The following MTA1 variants were observed in gnomAD, a reference collection of about 807,000 sequenced individuals.
The protein encoded by MTA1 is metastasis associated 1.
Under a neutral mutation model 97.0 loss-of-function variants are expected in MTA1, and 15 were observed. The observed-to-expected ratio is 0.15, with a 90% CI of 0.10 to 0.24. The LOEUF is 0.24. Among genes scored for constraint, MTA1 ranks in the 10% least tolerant of loss-of-function variants. The pLI is 1.00. For synonymous variants in MTA1, 435 were observed against 417.5 expected (o/e 1.04, Z -0.51); for missense variants, 709 against 1,015.1 (o/e 0.70, Z 4.10).
At chr14:105,438,600 T>C in intron 1 of MTA1, 72 bp from the exon 2 acceptor site, 3 of 1,398,480 alleles carry the variant, frequency 2.1e-6, no homozygotes, top group Non-Finnish European at 2.0e-6. Context: ...CCCGAGTCCC[T>C]GGGCCACGGG....
intron 1 of MTA1, among the ~76,000 whole-genome samples, chr14:105,425,622 C>G (rs1478153707): frequency 6.6e-6 from 1 of 152,130 alleles, no homozygotes; most frequent in Non-Finnish European, 1.5e-5. Flanking sequence ...CGTGTGCTAC[C>G]TGGGCTCACT....
At chr14:105,456,355 C>A (rs983455083) in intron 7 of MTA1, among the ~76,000 whole-genome samples, 1 of 152,232 alleles carries the variant, frequency 6.6e-6, no homozygotes, top group Admixed American at 6.5e-5. Flanking sequence ...TTGAGGTGCC[C>A]CCATCTTACC....
In MTA1 at chr14:105,449,376, A is replaced by G; in HGVS notation, c.208A>G (p.Lys70Glu). The change falls in exon 4 of 21, where the codon AAG becomes GAG. Residue 70 changes from lysine (K) to glutamate (E), a missense_variant. By Grantham distance (56) the Lys-to-Glu change is moderately conservative. Transcript: ENST00000331320. ...DKHATLSVCY[K>E]AGPGADNGEE... Reference sequence around the variant, plus strand: ...TTATATAGCCCTGTCAGTCTGCTATAAGGCCGGACCGGGGGCGGACAACGG... The same window carrying G: ...TTATATAGCCCTGTCAGTCTGCTATGAGGCCGGACCGGGGGCGGACAACGG... 6.2e-7 allele frequency: 1 copy of G among 1,612,520 alleles called. No individual in the cohort carries two copies. Among genetic ancestry groups the G allele is most frequent in the South Asian group, 1.1e-5 (1 of 90,950 alleles).
chr14:105,443,882 A>G (rs1242483194), intron 2 of MTA1, among the ~76,000 whole-genome samples: 2 of 152,136 alleles, frequency 1.3e-5, no homozygotes, highest in African/African-American at 4.8e-5. Context: ...CGAGGTCAGG[A>G]GATAGAGACC....
At chr14:105,438,764 G>GC (rs2082405414) in intron 2 of MTA1, 25 bp downstream of exon 2, 1 of 1,608,082 alleles carries the variant, frequency 6.2e-7, no homozygotes, top group African/African-American at 1.3e-5. Flanking sequence ...TGGTGTTGCT[G>GC]CAGGGGGGTA....
chr14:105,469,469 C>G lies in MTA1; in HGVS notation c.1816C>G (p.Leu606Val), dbSNP rs1555433771. Residue 606 changes from leucine (L) to valine (V), a missense_variant and splice_region_variant, in exon 19 of 21, where the codon CTG (leucine) becomes GTG (valine). Leu to Val is a conservative substitution (Grantham distance 32). Transcript: ENST00000331320. ...KKRLLMPSRG[L>V]ANHGQARHMG... ...TTCTCTCCTCCATTTCTCATCAGGTCTGGCAAACCACGGACAGGCCAGGCA... is the reference window on the plus strand; with the variant it reads ...TTCTCTCCTCCATTTCTCATCAGGTGTGGCAAACCACGGACAGGCCAGGCA... 2 of 1,612,862 alleles carry G rather than the reference C, an allele frequency of 1.2e-6. No individual in the cohort carries two copies. The highest frequency in any genetic ancestry group is 1.1e-5 in the South Asian group (1 of 91,094).
At chr14:105,447,022 G>C (rs1555427353) in intron 3 of MTA1, among the ~76,000 whole-genome samples, 1 of 152,242 alleles carries the variant, frequency 6.6e-6, no homozygotes, top group Non-Finnish European at 1.5e-5. Flanking sequence ...TGGGGATGTT[G>C]AAGGTCCACA....
In MTA1 at chr14:105,424,067, A is replaced by G. The variant is rs1031770624; in HGVS notation, c.28+4004A>G. ...GGTGTGATGTCCTGGAGGGGATGGC[A>G]TGGGGCTGTCCCACTTGGCCTGTGA... On this transcript the variant is annotated intron_variant, in intron 1 of 20. Transcript: ENST00000331320. The surrounding 1 kb of genome is among the most constrained non-coding windows in gnomAD (Gnocchi z 4.0). Among the ~76,000 whole-genome samples, 7 of 152,226 alleles carry G rather than the reference A, an allele frequency of 4.6e-5. No individual in the cohort carries two copies. Among genetic ancestry groups the G allele is most frequent in the Non-Finnish European group, 8.8e-5 (6 of 68,042 alleles).
chr14:105,457,395 T>C (rs2083192194), intron 7 of MTA1, among the ~76,000 whole-genome samples: 1 of 152,214 alleles, frequency 6.6e-6, no homozygotes, highest in Non-Finnish European at 1.5e-5. Context: ...CCTTGAGTTC[T>C]CCATCGTCCC....
At chr14:105,454,882 G>A in intron 7 of MTA1, among the ~76,000 whole-genome samples, 1 of 151,628 alleles carries the variant, frequency 6.6e-6, no homozygotes, top group East Asian at 1.9e-4. Context: ...GAGCCACCGA[G>A]TCTGGCCTTG....
At chr14:105,446,986 G>A (rs587631808) in intron 3 of MTA1, among the ~76,000 whole-genome samples, 8 of 152,352 alleles carry the variant, frequency 5.3e-5, no homozygotes, top group Non-Finnish European at 8.8e-5. Flanking sequence ...TGCACTCGGC[G>A]GGCTCCAGGC....
chr14:105,469,128 C>G (rs1555433651), intron 18 of MTA1: 2 of 539,440 alleles, frequency 3.7e-6, no homozygotes, highest in Non-Finnish European at 7.1e-6. Context: ...GGACTGACAG[C>G]CTTGCGAGGC....
intron 13 of MTA1, 60 bp from the exon 14 acceptor site, chr14:105,464,356 T>A: frequency 6.3e-7 from 1 of 1,596,818 alleles, no homozygotes; most frequent in South Asian, 1.1e-5. Context: ...TGGCGGGGAA[T>A]ACTCTGACAT....
intron 1 of MTA1, among the ~76,000 whole-genome samples, chr14:105,434,440 G>C (rs2082270268): frequency 6.7e-6 from 1 of 149,462 alleles, no homozygotes; most frequent in South Asian, 2.1e-4. Flanking sequence ...CTTGTGAATA[G>C]TACTTTTACA....
chr14:105,443,872 C>T (rs1267012900), intron 2 of MTA1, among the ~76,000 whole-genome samples: 14 of 152,150 alleles, frequency 9.2e-5, no homozygotes, highest in South Asian at 2.1e-4. Context: ...GGGTGGGTCA[C>T]GAGGTCAGGA....
At chr14:105,426,678 T>C (rs2082024384) in intron 1 of MTA1, among the ~76,000 whole-genome samples, 1 of 152,250 alleles carries the variant, frequency 6.6e-6, no homozygotes, top group African/African-American at 2.4e-5. Context: ...ATCCCTTGAC[T>C]GCCGGATGCA....
At position 105,463,900 on chromosome 14, in the gene MTA1, C is replaced by T; in HGVS notation, c.1077-132C>T. 1 of 841,734 alleles carries T rather than the reference C, an allele frequency of 1.2e-6. No homozygotes were observed. Among genetic ancestry groups the T allele is most frequent in the Non-Finnish European group, 2.0e-6 (1 of 504,330 alleles). The allele number at this position is 841,734 out of a possible 1,614,324, so 52.1% of individuals were successfully genotyped here. A position where few individuals can be genotyped will look rare whatever the true frequency, so the allele number is the denominator to read the frequency against. ...GAACTGAAAGGGGAGAAAGGAAGAT[C>T]CCTGCCGAGGCCGAGGGGTGCGAGG... On this transcript the variant is annotated intron_variant, in intron 12 of 20. Transcript: ENST00000331320. The surrounding 1 kb of genome is among the most constrained non-coding windows in gnomAD (Gnocchi z 5.9).
At chr14:105,436,194 G>T (rs142996624) in intron 1 of MTA1, among the ~76,000 whole-genome samples, 4 of 152,130 alleles carry the variant, frequency 2.6e-5, no homozygotes, top group African/African-American at 9.7e-5. Context: ...ACTTGAACCC[G>T]GGAGGCGGAG....
chr14:105,449,310 G>T, intron 3 of MTA1, 49 bp from the exon 4 acceptor site: 1 of 1,581,824 alleles, frequency 6.3e-7, no homozygotes, highest in Non-Finnish European at 8.6e-7. Flanking sequence ...GGAGCAGGCC[G>T]CCACCCTGTG....
Sources: allele counts gnomAD v4.1 joint callset (sites outside exome capture counted in the v4.1 genomes callset), GRCh38; gene constraint gnomAD v4.1.1; non-coding constraint Gnocchi (gnomAD v3.1); transcripts MANE v1.5; gene names NCBI Gene and HGNC (gene_info 2026-07-23, HGNC 2026-07-21).